CWC27: variants seen among roughly 807,000 people sequenced by gnomAD.
CWC27 encodes CWC27 spliceosome associated cyclophilin, also known as spliceosome-associated protein CWC27 homolog.
A neutral mutation model predicts 63.6 loss-of-function variants in CWC27; 47 were observed. The ratio of observed to expected loss-of-function variants is 0.74; its 90% CI spans 0.58 to 0.94. The LOEUF is 0.94. Among genes scored for constraint, CWC27 ranks in the 40% least tolerant of loss-of-function variants. The probability of loss-of-function intolerance (pLI) is 0.00; values close to 1 mark genes in which losing one functional copy is unlikely to be tolerated. For synonymous variants in CWC27, 175 were observed against 179.8 expected (o/e 0.97, Z 0.22); for missense variants, 495 against 554.3 (o/e 0.89, Z 1.07).
intron 11 of CWC27, among the ~76,000 whole-genome samples, chr5:64,915,246 C>T (rs925695261): frequency 6.6e-5 from 10 of 152,234 alleles, no homozygotes; most frequent in Admixed American, 5.2e-4. Flanking sequence ...GTAGTATGGG[C>T]TTGTATATTT....
chr5:64,889,654 GGT>G (rs200778812), intron 11 of CWC27, among the ~76,000 whole-genome samples: 2,091 of 152,240 alleles, frequency 0.014, 28 homozygotes, highest in African/African-American at 0.038. Flanking sequence ...GGCCGGGCGC[GGT>G]GGCTCACGCC....
intron 11 of CWC27, among the ~76,000 whole-genome samples, chr5:64,898,679 C>T (rs1006144515): frequency 6.6e-6 from 1 of 151,882 alleles, no homozygotes; most frequent in Non-Finnish European, 1.5e-5. Flanking sequence ...GAGAGGCAAG[C>T]AGATGGATAA....
intron 3 of CWC27, among the ~76,000 whole-genome samples, chr5:64,783,386 T>C (rs537163559): frequency 6.6e-6 from 1 of 152,344 alleles, no homozygotes; most frequent in South Asian, 2.1e-4. Context: ...ACAATCATAG[T>C]AGATTATTTG....
At chr5:64,977,087 T>A (rs75094941) in intron 12 of CWC27, 48 bp from the exon 13 acceptor site, 38,548 of 1,123,254 alleles carry the variant, frequency 0.034, 845 homozygotes, top group Non-Finnish European at 0.042. Context: ...TCTTTTAAAA[T>A]TATATTTATC....
intron 10 of CWC27, among the ~76,000 whole-genome samples, chr5:64,875,773 T>A (rs1172635373): frequency 6.6e-6 from 1 of 152,148 alleles, no homozygotes; most frequent in Non-Finnish European, 1.5e-5. Context: ...GCCTTTTTAA[T>A]CTCTTTTGTT....
intron 11 of CWC27, among the ~76,000 whole-genome samples, chr5:64,892,402 C>T (rs1747259843): frequency 6.6e-6 from 1 of 151,514 alleles, no homozygotes; most frequent in Non-Finnish European, 1.5e-5. Flanking sequence ...ATAAAAGTAA[C>T]ATTTATTCTT....
chr5:64,925,488 C>G (rs1748087402), intron 11 of CWC27, among the ~76,000 whole-genome samples: 1 of 152,166 alleles, frequency 6.6e-6, no homozygotes, highest in Admixed American at 6.5e-5. Context: ...ACAAAAATCT[C>G]TTAGCATCTC....
chr5:64,818,792 A>G (rs1432583982), intron 10 of CWC27, among the ~76,000 whole-genome samples: 1 of 152,230 alleles, frequency 6.6e-6, no homozygotes, highest in Non-Finnish European at 1.5e-5. Context: ...ATAACATTGC[A>G]GTTATTCAAC....
intron 11 of CWC27, among the ~76,000 whole-genome samples, chr5:64,928,382 T>A (rs1748162984): frequency 6.6e-6 from 1 of 152,228 alleles, no homozygotes; most frequent in Admixed American, 6.5e-5. Context: ...ATGACAAGTC[T>A]GCTTGGTTTT....
intron 11 of CWC27, among the ~76,000 whole-genome samples, chr5:64,959,638 A>G (rs961876449): frequency 6.6e-6 from 1 of 152,184 alleles, no homozygotes; most frequent in African/African-American, 2.4e-5. Flanking sequence ...GGAATTATCT[A>G]ATCCCTTATA....
chr5:64,995,604 A>G (rs1444266606), intron 13 of CWC27, among the ~76,000 whole-genome samples: 1 of 152,148 alleles, frequency 6.6e-6, no homozygotes. Context: ...CCACAACTGA[A>G]TAATACCGTG....
At chr5:64,895,353 A>G (rs925397084) in intron 11 of CWC27, among the ~76,000 whole-genome samples, 11 of 152,114 alleles carry the variant, frequency 7.2e-5, no homozygotes, top group African/African-American at 2.7e-4. Flanking sequence ...CAGAAAATTC[A>G]TATAAGAAAA....
chr5:64,914,223 TAGG>T (rs1424415302), intron 11 of CWC27, among the ~76,000 whole-genome samples: 3 of 152,132 alleles, frequency 2.0e-5, no homozygotes, highest in Non-Finnish European at 4.4e-5. Flanking sequence ...GAAAATATTT[TAGG>T]AGAATGTCAT....
intron 11 of CWC27, among the ~76,000 whole-genome samples, chr5:64,967,367 C>T (rs1749037000): frequency 1.3e-5 from 2 of 151,962 alleles, no homozygotes; most frequent in South Asian, 4.1e-4. Context: ...TTAATTTATA[C>T]ATTCAATGCA....
chr5:64,905,384 A>C (rs1747611104), intron 11 of CWC27, among the ~76,000 whole-genome samples: 1 of 152,044 alleles, frequency 6.6e-6, no homozygotes, highest in Admixed American at 6.6e-5. Flanking sequence ...TGGTCCATGC[A>C]GGGCCAGTTT....
At chr5:64,988,265 C>G (rs1367475740) in intron 13 of CWC27, among the ~76,000 whole-genome samples, 3 of 152,156 alleles carry the variant, frequency 2.0e-5, no homozygotes, top group East Asian at 3.8e-4. Context: ...AAGTCTGTGT[C>G]AAATAATTCC....
chr5:64,907,281 G>A (rs1231008398), intron 11 of CWC27, among the ~76,000 whole-genome samples: 1 of 152,144 alleles, frequency 6.6e-6, no homozygotes, highest in African/African-American at 2.4e-5. Flanking sequence ...TCACGATATT[G>A]ATTCTTCCTA....
At chr5:64,770,887 G>A (rs1404681174) in intron 1 of CWC27, among the ~76,000 whole-genome samples, 2 of 152,136 alleles carry the variant, frequency 1.3e-5, no homozygotes, top group Non-Finnish European at 2.9e-5. Context: ...CTTTAACAAG[G>A]ATACATTCCT....
chr5:64,854,863 T>G (rs1746215520), intron 10 of CWC27, among the ~76,000 whole-genome samples: 1 of 152,164 alleles, frequency 6.6e-6, no homozygotes, highest in Admixed American at 6.5e-5. Flanking sequence ...TAATAACACT[T>G]GGGAAAGATA....
Sources: gnomAD v4.1 joint callset for allele counts (sites outside exome capture counted in the v4.1 genomes callset) on GRCh38, gnomAD v4.1.1 for gene constraint, MANE v1.5 for transcripts, NCBI Gene and HGNC (gene_info 2026-07-23, HGNC 2026-07-21) for gene names.